CDH7: variants seen among roughly 807,000 people sequenced by gnomAD.
CDH7 encodes cadherin-7.
CDH7 carries 25 observed loss-of-function variants against 71.8 expected under a neutral mutation model. That is an observed-to-expected ratio of 0.35 (90% CI 0.25 to 0.49). The LOEUF (loss-of-function observed/expected upper bound fraction) is 0.49. Among genes scored for constraint, CDH7 ranks in the 20% least tolerant of loss-of-function variants. The probability of loss-of-function intolerance (pLI) is 0.99; values close to 1 mark genes in which losing one functional copy is unlikely to be tolerated. For synonymous variants in CDH7, 381 were observed against 363.8 expected (o/e 1.05, Z -0.54); for missense variants, 862 against 974.6 (o/e 0.88, Z 1.54).
chr18:65,814,243 ATT>A (rs35891149), intron 3 of CDH7, among the ~76,000 whole-genome samples: 3,915 of 150,432 alleles, frequency 0.026, 165 homozygotes, highest in African/African-American at 0.09. Context: ...CATCGATGGT[ATT>A]TTTTTTTTTG....
In CDH7 at chr18:65,889,229, G is replaced by A. The variant is rs1413216074; in HGVS notation, c.*8335G>A. The A allele has an allele frequency of 6.6e-6, 1 of 152,036 alleles. No individual in the cohort carries two copies. The highest frequency in any genetic ancestry group is 2.4e-5 in the African/African-American group (1 of 41,382). The allele number at this position is 152,036 out of a possible 1,614,324, so 9.4% of individuals were successfully genotyped here. A position where few individuals can be genotyped will look rare whatever the true frequency, so the allele number is the denominator to read the frequency against. ...GTTATTGAATAGTTGGCACACAAGG[G>A]TAGGAGAAAAATCCCAACAACCCTT... On this transcript the variant is annotated 3_prime_UTR_variant, in exon 12 of 12. Coordinates refer to ENST00000397968, the MANE Select transcript of CDH7 (RefSeq NM_004361.5).
At chr18:65,757,471 C>T (rs963669531) in intron 1 of CDH7, among the ~76,000 whole-genome samples, 2 of 152,092 alleles carry the variant, frequency 1.3e-5, no homozygotes, top group Non-Finnish European at 2.9e-5. Context: ...ATGCTTATCA[C>T]AGTACTACTT....
In CDH7 at chr18:65,880,778, T is replaced by G. The variant is rs1340952014; in HGVS notation, c.2242T>G (p.Leu748Val). The change falls in exon 12 of 12, where the codon TTA (leucine) becomes GTA (valine). Residue 748 changes from leucine to valine, a missense_variant. Physicochemically the swap from Leu to Val is conservative, Grantham distance 32. Coordinates refer to ENST00000397968, the MANE Select transcript of CDH7 (RefSeq NM_004361.5). ...CTCAGTTGCTGAATCACTCAGCTCT[T>G]TAGATTCCATCAGCTCAAACTCTGA... ...NGSVAESLSSLDSISSNSDQN... is the reference protein window; with the variant it reads ...NGSVAESLSSVDSISSNSDQN... The G allele has an allele frequency of 6.2e-7, 1 of 1,614,148 alleles. No individual in the cohort carries two copies. Among genetic ancestry groups the G allele is most frequent in the African/African-American group, 1.3e-5 (1 of 75,038 alleles).
At chr18:65,784,410 A>ATGCT (rs1910437677) in intron 2 of CDH7, among the ~76,000 whole-genome samples, 1 of 152,120 alleles carries the variant, frequency 6.6e-6, no homozygotes, top group Non-Finnish European at 1.5e-5. Flanking sequence ...GTGGCCTACT[A>ATGCT]TGCTTGAGGA....
Position 65,782,171 on chromosome 18 carries a change from TTTC to T in CDH7, c.210+19122_210+19124del, listed in dbSNP as rs1284065317. 3.6e-4 allele frequency among the ~76,000 whole-genome samples: 46 copies of T among 128,462 alleles called. 12 individuals are homozygous for T. The highest frequency in any genetic ancestry group is 1.6e-3 in the African/African-American group (45 of 27,464). The allele number at this position is 128,462 out of a possible 152,430, so 84.3% of individuals were successfully genotyped here. ...CTTTCTTTCTTTCTTTCTTCCTTTCTTTCTTTCTTTCTTTCTTGACAGAGTCTC... is the reference window on the plus strand; with the variant it reads ...CTTTCTTTCTTTCTTTCTTCCTTTCTTTTCTTTCTTTCTTGACAGAGTCTC... On this transcript the variant is annotated intron_variant, in intron 2 of 11. Transcript: ENST00000397968.
intron 2 of CDH7, among the ~76,000 whole-genome samples, chr18:65,789,376 T>C (rs1244055147): frequency 6.6e-6 from 1 of 152,162 alleles, no homozygotes; most frequent in African/African-American, 2.4e-5. Flanking sequence ...CGTCTGTAAT[T>C]GATTCACATG....
At chr18:65,813,548 G>T (rs1599024416) in intron 3 of CDH7, among the ~76,000 whole-genome samples, 1 of 152,066 alleles carries the variant, frequency 6.6e-6, no homozygotes, top group Admixed American at 6.5e-5. Context: ...AAATATGTTA[G>T]CTTTAAAATG....
chr18:65,762,218 T>G (rs1284404874), intron 1 of CDH7, among the ~76,000 whole-genome samples: 1 of 152,190 alleles, frequency 6.6e-6, no homozygotes, highest in African/African-American at 2.4e-5. Flanking sequence ...CCTTCCCATT[T>G]GGTTAAATTT....
chr18:65,871,706 A>C (rs2144055923), intron 11 of CDH7, among the ~76,000 whole-genome samples: 1 of 152,306 alleles, frequency 6.6e-6, no homozygotes, highest in South Asian at 2.1e-4. Context: ...GAAATTTTGA[A>C]TGGTGTATGA....
At chr18:65,782,066 CTTTCTTT>C (rs1910296002) in intron 2 of CDH7, among the ~76,000 whole-genome samples, 1 of 51,642 alleles carries the variant, frequency 1.9e-5, no homozygotes, top group Non-Finnish European at 3.2e-5. Context: ...TCCTTCCTTT[CTTTCTTT>C]CTTTCTTTCC....
chr18:65,864,676 C>G lies in CDH7; in HGVS notation c.1864+1759C>G, dbSNP rs1278697531. Among the ~76,000 whole-genome samples, 3 of 151,484 alleles carry G rather than the reference C, an allele frequency of 2.0e-5. No homozygotes were observed. In the East Asian group the frequency reaches 5.8e-4, roughly 29 times the overall value. ...GGCTGAGGCGGGCGGATCATGAGGT[C>G]AGGAGATCAAGACCATCCTGGCTAA... On this transcript the variant is annotated intron_variant, in intron 11 of 11. Transcript: ENST00000397968.
chr18:65,876,220 A>G (rs922569662), intron 11 of CDH7, among the ~76,000 whole-genome samples: 20 of 152,106 alleles, frequency 1.3e-4, no homozygotes, highest in Admixed American at 6.5e-5. Context: ...ACTATTTCCT[A>G]CCTGCTAGAA....
At chr18:65,783,464 T>C (rs1910387336) in intron 2 of CDH7, among the ~76,000 whole-genome samples, 1 of 152,220 alleles carries the variant, frequency 6.6e-6, no homozygotes, top group Admixed American at 6.5e-5. Context: ...CACTATTTCT[T>C]AACAGCCATG....
At chr18:65,832,046 A>G (rs1341462699) in intron 6 of CDH7, among the ~76,000 whole-genome samples, 1 of 152,140 alleles carries the variant, frequency 6.6e-6, no homozygotes, top group Admixed American at 6.6e-5. Context: ...ATGTCTACAT[A>G]TTACTTCACA....
At chr18:65,757,266 A>C (rs1338340565) in intron 1 of CDH7, among the ~76,000 whole-genome samples, 1 of 152,194 alleles carries the variant, frequency 6.6e-6, no homozygotes, top group East Asian at 1.9e-4. Context: ...ACTTGAAACT[A>C]ATACACTGCC....
chr18:65,781,886 CTCTCT>C (rs1910248706), intron 2 of CDH7, among the ~76,000 whole-genome samples: 1 of 105,284 alleles, frequency 9.5e-6, no homozygotes, highest in Non-Finnish European at 1.8e-5. Flanking sequence ...CTCTGTCTCT[CTCTCT>C]CTTTCTCTCT....
intron 7 of CDH7, among the ~76,000 whole-genome samples, chr18:65,848,985 C>T (rs56780285): frequency 0.89 from 134,957 of 152,122 alleles, 62,122 homozygotes; most frequent in East Asian, 1. Flanking sequence ...GTAGCTTGTA[C>T]TCATTCATAT....
chr18:65,761,450 G>A (rs192053154), intron 1 of CDH7, among the ~76,000 whole-genome samples: 1 of 150,844 alleles, frequency 6.6e-6, no homozygotes, highest in East Asian at 2.0e-4. Flanking sequence ...AGACTGAAAA[G>A]CTTATGAGGA....
At chr18:65,811,164 G>A (rs904873973) in intron 3 of CDH7, among the ~76,000 whole-genome samples, 5 of 140,972 alleles carry the variant, frequency 3.5e-5, no homozygotes, top group South Asian at 2.5e-4. Context: ...TAACACATGG[G>A]TATTTTAACC....
Sources: gnomAD v4.1 joint callset for allele counts (sites outside exome capture counted in the v4.1 genomes callset) on GRCh38, gnomAD v4.1.1 for gene constraint, MANE v1.5 for transcripts, NCBI Gene and HGNC (gene_info 2026-07-23, HGNC 2026-07-21) for gene names.